The following GALNTL6 variants were observed in gnomAD, a reference collection of about 807,000 sequenced individuals.
The protein encoded by GALNTL6 is polypeptide N-acetylgalactosaminyltransferase like 6.
GALNTL6 carries 46 observed loss-of-function variants against 73.7 expected under a neutral mutation model. The observed-to-expected ratio is 0.62, with a 90% CI of 0.49 to 0.80. The LOEUF (loss-of-function observed/expected upper bound fraction) is 0.80. GALNTL6 is among the 30% of genes least tolerant of loss of function. The pLI, the probability that GALNTL6 is intolerant of heterozygous loss-of-function variation, is 0.00. For synonymous variants in GALNTL6, 259 were observed against 263.7 expected (o/e 0.98, Z 0.17); for missense variants, 604 against 755.0 (o/e 0.80, Z 2.34).
At chr4:172,784,803 A>G (rs1375588844) in intron 5 of GALNTL6, among the ~76,000 whole-genome samples, 5 of 152,206 alleles carry the variant, frequency 3.3e-5, no homozygotes, top group Non-Finnish European at 4.4e-5. Flanking sequence ...TATAAAAATA[A>G]AAGTGATCTT....
intron 2 of GALNTL6, among the ~76,000 whole-genome samples, chr4:172,220,912 A>G (rs1736649893): frequency 1.3e-5 from 2 of 152,030 alleles, no homozygotes; most frequent in Middle Eastern, 6.8e-3. Context: ...TGTGAACATG[A>G]TGATAACTAT....
At chr4:173,012,535 T>G (rs1390810120) in intron 11 of GALNTL6, among the ~76,000 whole-genome samples, 1 of 152,210 alleles carries the variant, frequency 6.6e-6, no homozygotes, top group Non-Finnish European at 1.5e-5. Context: ...CTGTGGGCCT[T>G]GTAGCCAGGC....
rs568167515 is a variant in GALNTL6, at chr4:172,710,841, T to G, written c.554-98520T>G. Reference sequence around the variant, plus strand: ...ATGAGTGCTAGAAGAAAAAACAAGGTAAAAGCCCATATTTAGCAGTACAAC... The same window carrying G: ...ATGAGTGCTAGAAGAAAAAACAAGGGAAAAGCCCATATTTAGCAGTACAAC... On this transcript the variant is annotated intron_variant, in intron 5 of 12. Coordinates refer to ENST00000506823, the MANE Select transcript of GALNTL6 (RefSeq NM_001034845.3). Among the ~76,000 whole-genome samples the G allele has an allele frequency of 3.3e-5, 5 of 152,180 alleles. No individual in the cohort carries two copies. The South Asian group carries it at 1.0e-3, about 32-fold the overall frequency.
intron 2 of GALNTL6, among the ~76,000 whole-genome samples, chr4:172,228,527 G>A (rs1579278964): frequency 1.3e-5 from 2 of 152,074 alleles, no homozygotes; most frequent in Admixed American, 6.5e-5. Context: ...TTTTTCAAAA[G>A]CATAATGGCT....
chr4:172,767,676 T>TTC (rs908325700), intron 5 of GALNTL6, among the ~76,000 whole-genome samples: 14 of 148,238 alleles, frequency 9.4e-5, no homozygotes, highest in African/African-American at 3.5e-4. Flanking sequence ...TCTTTTTTTT[T>TTC]TTTTTTTTTG....
At chr4:172,176,196 C>G (rs558443807) in intron 2 of GALNTL6, among the ~76,000 whole-genome samples, 1 of 151,346 alleles carries the variant, frequency 6.6e-6, no homozygotes, top group Admixed American at 6.6e-5. Context: ...AAAAATTAGC[C>G]GGGCGAGGTG....
In GALNTL6 at chr4:172,796,325, G is replaced by T. The variant is rs1325030240; in HGVS notation, c.554-13036G>T. On this transcript the variant is annotated intron_variant, in intron 5 of 12. Transcript: ENST00000506823. The stretch of plus-strand genomic sequence containing the variant: ...ACAATATTCCAGGCACTGTTTTGCT[G>T]TGTGGTCTTAGGCAAATTTCTTAAA... Among the ~76,000 whole-genome samples, 3 of 152,098 alleles carry T rather than the reference G, an allele frequency of 2.0e-5. No individual in the cohort carries two copies. The East Asian group carries it at 5.8e-4, about 29-fold the overall frequency.
At chr4:171,945,254 T>C (rs1184529135) in intron 2 of GALNTL6, among the ~76,000 whole-genome samples, 2 of 152,114 alleles carry the variant, frequency 1.3e-5, no homozygotes, top group East Asian at 1.9e-4. Flanking sequence ...GGTAATATCA[T>C]TGACTGAGAA....
chr4:172,940,187 C>CT (rs34843916), intron 9 of GALNTL6, among the ~76,000 whole-genome samples: 2,010 of 128,820 alleles, frequency 0.016, 31 homozygotes, highest in East Asian at 0.09. Context: ...CCTCGCAAAA[C>CT]TTTTTTTTTT....
chr4:172,322,057 G>A (rs771425327), intron 4 of GALNTL6, among the ~76,000 whole-genome samples: 19 of 152,122 alleles, frequency 1.2e-4, no homozygotes, highest in Non-Finnish European at 2.1e-4. Flanking sequence ...AACGCCTCAA[G>A]TGAGCATTCA....
chr4:172,690,265 T>TG (rs1368791642), intron 5 of GALNTL6, among the ~76,000 whole-genome samples: 1 of 152,184 alleles, frequency 6.6e-6, no homozygotes, highest in Non-Finnish European at 1.5e-5. Context: ...TCTTTTGTCT[T>TG]GGGGCACTAC....
chr4:171,957,857 C>CA (rs1158842067), intron 2 of GALNTL6, among the ~76,000 whole-genome samples: 87 of 151,784 alleles, frequency 5.7e-4, no homozygotes, highest in Admixed American at 3.9e-3. Context: ...ACATATTTGA[C>CA]AAAAAAAATG....
intron 10 of GALNTL6, among the ~76,000 whole-genome samples, chr4:172,968,387 A>G (rs1653784666): frequency 6.6e-6 from 1 of 152,222 alleles, no homozygotes; most frequent in Admixed American, 6.5e-5. Context: ...GCTGAGGCCA[A>G]TGCAAAGAGA....
intron 12 of GALNTL6, among the ~76,000 whole-genome samples, chr4:173,029,573 T>G (rs1753373755): frequency 6.6e-6 from 1 of 152,244 alleles, no homozygotes; most frequent in South Asian, 2.1e-4. Context: ...TCTAGCATGC[T>G]TTGCTGTGAG....
chr4:171,914,506 C>T (rs560803313), intron 2 of GALNTL6, among the ~76,000 whole-genome samples: 1 of 143,224 alleles, frequency 7.0e-6, no homozygotes, highest in Non-Finnish European at 1.5e-5. Context: ...TCTCGGCTCA[C>T]TGCAACCTCC....
intron 2 of GALNTL6, among the ~76,000 whole-genome samples, chr4:171,837,672 A>C (rs904444386): frequency 1.4e-5 from 2 of 147,222 alleles, no homozygotes; most frequent in African/African-American, 4.9e-5. Flanking sequence ...TTAATATATA[A>C]ATATATTATG....
intron 2 of GALNTL6, among the ~76,000 whole-genome samples, chr4:171,992,964 C>A (rs1740382201): frequency 6.6e-6 from 1 of 151,274 alleles, no homozygotes; most frequent in Non-Finnish European, 1.5e-5. Flanking sequence ...CAAGCTCATG[C>A]TAAATTTCTC....
At chr4:172,322,056 A>G (rs562420354) in intron 4 of GALNTL6, among the ~76,000 whole-genome samples, 1 of 152,306 alleles carries the variant, frequency 6.6e-6, no homozygotes, top group African/African-American at 2.4e-5. Flanking sequence ...GAACGCCTCA[A>G]GTGAGCATTC....
At chr4:172,675,242 G>C (rs1330971016) in intron 5 of GALNTL6, among the ~76,000 whole-genome samples, 3 of 152,146 alleles carry the variant, frequency 2.0e-5, no homozygotes, top group Admixed American at 6.5e-5. Flanking sequence ...GGGGAGACCA[G>C]TTCTCAGGTC....
Sources: gnomAD v4.1 joint callset for allele counts (sites outside exome capture counted in the v4.1 genomes callset) on GRCh38, gnomAD v4.1.1 for gene constraint, MANE v1.5 for transcripts, NCBI Gene and HGNC (gene_info 2026-07-23, HGNC 2026-07-21) for gene names.